USP48: variants seen among roughly 807,000 people sequenced by gnomAD.
The protein encoded by USP48 is ubiquitin specific peptidase 48.
Under a neutral mutation model 150.7 loss-of-function variants are expected in USP48, and 43 were observed. That is an observed-to-expected ratio of 0.29 (90% CI 0.22 to 0.37). The LOEUF (loss-of-function observed/expected upper bound fraction) is 0.37, where lower values mean the gene tolerates loss of function less well. USP48 is among the 10% of genes least tolerant of loss of function. The pLI, the probability that USP48 is intolerant of heterozygous loss-of-function variation, is 1.00. For synonymous variants in USP48, 396 were observed against 425.9 expected, an observed-to-expected ratio of 0.93 and a Z score of 0.86; for missense variants, 813 against 1,249.6, an observed-to-expected ratio of 0.65 and a Z score of 5.27.
intron 15 of USP48, among the ~76,000 whole-genome samples, chr1:21,712,558 A>G (rs183628404): frequency 7.0e-4 from 106 of 152,228 alleles, no homozygotes; most frequent in African/African-American, 2.1e-3. Flanking sequence ...CCTATACCAG[A>G]AACATTTTAC....
chr1:21,783,126 C>T lies in USP48; in HGVS notation c.-169G>A. On this transcript the variant is annotated 5_prime_UTR_variant, in exon 1 of 27. Transcript: ENST00000308271. ...GCGCCACTGCCGCCGCGCCCGCCCG[C>T]GCCCGACCCGCACGACCGGCCGCAA... 9.5e-7 allele frequency: 1 copy of T among 1,050,270 alleles called. No homozygotes were observed. Among genetic ancestry groups the T allele is most frequent in the Non-Finnish European group, 1.3e-6 (1 of 796,778 alleles). The allele number at this position is 1,050,270 out of a possible 1,614,324, so 65.1% of individuals were successfully genotyped here.
At chr1:21,756,306 C>T (rs906040581) in intron 3 of USP48, among the ~76,000 whole-genome samples, 18 of 151,534 alleles carry the variant, frequency 1.2e-4, no homozygotes, top group South Asian at 2.1e-4. Flanking sequence ...CATAGTGAAA[C>T]GCTGTCTCTA....
At chr1:21,765,011 A>C (rs2097858427) in intron 1 of USP48, among the ~76,000 whole-genome samples, 2 of 152,224 alleles carry the variant, frequency 1.3e-5, no homozygotes, top group Admixed American at 6.5e-5. Flanking sequence ...ATAAATCAAA[A>C]TATCATATAA....
chr1:21,685,472 G>A (rs566668543), intron 25 of USP48, among the ~76,000 whole-genome samples: 2 of 151,814 alleles, frequency 1.3e-5, no homozygotes, highest in East Asian at 1.9e-4. Context: ...GCGCTACTAC[G>A]CCTGGTTAAT....
At chr1:21,766,982 T>C (rs2097863700) in intron 1 of USP48, among the ~76,000 whole-genome samples, 1 of 152,126 alleles carries the variant, frequency 6.6e-6, no homozygotes, top group Admixed American at 6.6e-5. Context: ...GAGAATCGCC[T>C]GCACCCAGGA....
intron 11 of USP48, chr1:21,728,223 A>G (rs2152553231): frequency 9.8e-7 from 1 of 1,020,584 alleles, no homozygotes; most frequent in Non-Finnish European, 1.2e-6. Flanking sequence ...GCAAAGAAAC[A>G]GAACAGGCAA....
intron 17 of USP48, 25 bp downstream of exon 17, chr1:21,706,442 C>T: frequency 6.2e-7 from 1 of 1,613,032 alleles, no homozygotes; most frequent in African/African-American, 1.3e-5. Context: ...AAGATGCATT[C>T]TTTCTTTTGT....
At chr1:21,738,026 G>A (rs2097772345) in intron 8 of USP48, among the ~76,000 whole-genome samples, 1 of 152,024 alleles carries the variant, frequency 6.6e-6, no homozygotes, top group African/African-American at 2.4e-5. Flanking sequence ...ACCTCCAGGA[G>A]TAGCTGGGAT....
chr1:21,680,674 T>C (rs2097563350), intron 26 of USP48, 134 bp downstream of exon 26: 1 of 869,414 alleles, frequency 1.2e-6, no homozygotes, highest in South Asian at 1.7e-5. Flanking sequence ...AAGAAATGCA[T>C]TTAACTAAAA....
chr1:21,715,292 G>T, intron 15 of USP48, 97 bp downstream of exon 15: 1 of 898,678 alleles, frequency 1.1e-6, no homozygotes. Flanking sequence ...TTTTTCCCAG[G>T]TAAGATGTGA....
At chr1:21,736,061 T>TAAG (rs2097768244) in intron 9 of USP48, among the ~76,000 whole-genome samples, 2 of 151,928 alleles carry the variant, frequency 1.3e-5, no homozygotes, top group South Asian at 4.2e-4. Context: ...AGTGACAGAG[T>TAAG]AAGACTCTCT....
intron 8 of USP48, 53 bp from the exon 9 acceptor site, chr1:21,736,678 T>C (rs1216049235): frequency 5.2e-6 from 7 of 1,345,052 alleles, no homozygotes; most frequent in Non-Finnish European, 5.8e-6. Flanking sequence ...TTATTTCTTA[T>C]ATCCTGAGCC....
intron 17 of USP48, 115 bp from the exon 18 acceptor site, chr1:21,706,302 CAGTCCTCTACCAAAAAAT>C: frequency 6.8e-7 from 1 of 1,481,332 alleles, no homozygotes; most frequent in South Asian, 1.3e-5. Context: ...AATGAAAACA[CAGTCCTCTACCAAAAAAT>C]AGCAGGCTGG....
chr1:21,756,787 T>C lies in USP48; in HGVS notation c.256-85A>G, dbSNP rs566869574. On this transcript the variant is annotated intron_variant, in intron 2 of 26. Transcript: ENST00000308271. Reference sequence around the variant, plus strand: ...AAGCATTATTCTTAAATTTTCAGATTAAAAATGTGTAAGACCGTCACAACC... The same window carrying C: ...AAGCATTATTCTTAAATTTTCAGATCAAAAATGTGTAAGACCGTCACAACC... The C allele has an allele frequency of 6.6e-5, 102 of 1,548,552 alleles. No individual in the cohort carries two copies. The East Asian group carries it at 2.5e-3, about 37-fold the overall frequency.
At chr1:21,739,719 T>G (rs2097776946) in intron 8 of USP48, among the ~76,000 whole-genome samples, 1 of 152,178 alleles carries the variant, frequency 6.6e-6, no homozygotes, top group African/African-American at 2.4e-5. Flanking sequence ...CACCATGCTA[T>G]GCAATAAAGC....
At position 21,701,597 on chromosome 1, in the gene USP48, C is replaced by T. The variant is rs748472427; in HGVS notation, c.2628G>A (p.Met876Ile). The T allele has an allele frequency of 5.0e-6, 8 of 1,613,654 alleles. No homozygotes were observed. The highest frequency in any genetic ancestry group is 5.1e-6 in the Non-Finnish European group (6 of 1,179,688). The part of the protein sequence containing the change: ...VHKVVDNKKV[M>I]KDSAPELNVS... ...CATTCAGTTCCGGAGCCGAATCCTT[C>T]ATCACCTGAATGTGCCAGGACAACA... The change falls in exon 22 of 27, where the codon ATG becomes ATA. Residue 876 changes from methionine to isoleucine, a missense_variant. By Grantham distance (10) the Met-to-Ile change is conservative. Coordinates refer to ENST00000308271, the MANE Select transcript of USP48 (RefSeq NM_032236.8).
chr1:21,748,235 C>T lies in USP48; in HGVS notation c.811G>A (p.Glu271Lys). ...KLEGDNRYFCENCQSKQNATR... is the reference protein window; with the variant it reads ...KLEGDNRYFCKNCQSKQNATR... ...GCATTCTGTTTGCTTTGACAGTTCTCGCAAAAATAGCGATTGTCTCCTTCT... is the reference window on the plus strand; with the variant it reads ...GCATTCTGTTTGCTTTGACAGTTCTTGCAAAAATAGCGATTGTCTCCTTCT... The change falls in exon 7 of 27, where the codon GAG becomes AAG. Residue 271 changes from glutamate to lysine, a missense_variant. Transcript: ENST00000308271. 2 of 1,613,530 alleles carry T rather than the reference C, an allele frequency of 1.2e-6. No individual in the cohort carries two copies. The highest frequency in any genetic ancestry group is 1.7e-6 in the Non-Finnish European group (2 of 1,179,820).
intron 1 of USP48, among the ~76,000 whole-genome samples, chr1:21,775,013 A>G (rs1209939792): frequency 6.7e-6 from 1 of 148,960 alleles, no homozygotes; most frequent in African/African-American, 2.6e-5. Flanking sequence ...AAATAAATAA[A>G]TAAATAAATA....
intron 8 of USP48, among the ~76,000 whole-genome samples, chr1:21,742,578 A>AAAAAG (rs201552575): frequency 0.033 from 4,912 of 149,394 alleles, 295 homozygotes; most frequent in African/African-American, 0.12. Context: ...AAAGAAAAAG[A>AAAAAG]AAAAGAAAAG....
Sources: gnomAD v4.1 joint callset for allele counts (sites outside exome capture counted in the v4.1 genomes callset) on GRCh38, gnomAD v4.1.1 for gene constraint, MANE v1.5 for transcripts, NCBI Gene and HGNC (gene_info 2026-07-23, HGNC 2026-07-21) for gene names.